The following NVL variants were observed in gnomAD, a reference collection of about 807,000 sequenced individuals.
The protein encoded by NVL is nuclear VCP like.
Under a neutral mutation model 110.2 loss-of-function variants are expected in NVL, and 84 were observed. The observed-to-expected ratio is 0.76, with a 90% CI of 0.64 to 0.91. The LOEUF is 0.91. Among genes scored for constraint, NVL ranks in the 40% least tolerant of loss-of-function variants. The probability of loss-of-function intolerance (pLI) is 0.00; values close to 1 mark genes in which losing one functional copy is unlikely to be tolerated. For missense variants in NVL, 882 were observed against 1,035.9 expected (o/e 0.85, Z 2.04); for synonymous variants, 354 against 361.1 (o/e 0.98, Z 0.22).
chr1:224,237,269 T>C (rs1660588815), intron 19 of NVL, among the ~76,000 whole-genome samples: 1 of 152,142 alleles, frequency 6.6e-6, no homozygotes. Flanking sequence ...GAAGAAATAA[T>C]ACTGAACCTG....
In NVL at chr1:224,271,535, T is replaced by C. The variant is rs1181629583; in HGVS notation, c.2083-3402A>G. Among the ~76,000 whole-genome samples the C allele has an allele frequency of 2.0e-5, 3 of 151,534 alleles. No homozygotes were observed. In the East Asian group the frequency reaches 5.8e-4, roughly 29 times the overall value. ...ACAAAACAGAAGCGTAAAATATAAATTTTTTTATGTTTCTGGAAAAAATTC... is the reference window on the plus strand; with the variant it reads ...ACAAAACAGAAGCGTAAAATATAAACTTTTTTATGTTTCTGGAAAAAATTC... On this transcript the variant is annotated intron_variant, in intron 17 of 22. Transcript: ENST00000281701.
chr1:224,268,404 T>A (rs1370938245), intron 17 of NVL, among the ~76,000 whole-genome samples: 1 of 152,188 alleles, frequency 6.6e-6, no homozygotes, highest in African/African-American at 2.4e-5. Context: ...GAAATGAGAC[T>A]CAATCTCAGG....
chr1:224,246,423 G>A (rs940622814), intron 19 of NVL, among the ~76,000 whole-genome samples: 1 of 152,208 alleles, frequency 6.6e-6, no homozygotes, highest in African/African-American at 2.4e-5. Context: ...GTATAAAGTT[G>A]TTCTGGTGTG....
At chr1:224,257,844 A>C (rs1663467572) in intron 18 of NVL, among the ~76,000 whole-genome samples, 1 of 152,148 alleles carries the variant, frequency 6.6e-6, no homozygotes, top group African/African-American at 2.4e-5. Context: ...TGGGCCCGAC[A>C]AGGGATATTG....
chr1:224,322,445 C>T (rs901496675), intron 2 of NVL, among the ~76,000 whole-genome samples: 8 of 152,006 alleles, frequency 5.3e-5, no homozygotes, highest in Admixed American at 5.3e-4. Flanking sequence ...GAGTGGTAGC[C>T]AAAGTGAGGT....
intron 15 of NVL, among the ~76,000 whole-genome samples, chr1:224,281,489 A>G (rs1257225848): frequency 1.3e-5 from 2 of 151,146 alleles, no homozygotes; most frequent in African/African-American, 4.9e-5. Context: ...TTTAGTGGAG[A>G]TGGGGTTTCA....
At chr1:224,260,040 A>G (rs1251632301) in intron 18 of NVL, among the ~76,000 whole-genome samples, 1 of 152,180 alleles carries the variant, frequency 6.6e-6, no homozygotes, top group Admixed American at 6.5e-5. Flanking sequence ...CTGGCTGGGC[A>G]TAACCTAATT....
chr1:224,244,670 C>T (rs1006219683), intron 19 of NVL, among the ~76,000 whole-genome samples: 2 of 144,044 alleles, frequency 1.4e-5, no homozygotes, highest in African/African-American at 5.2e-5. Context: ...TGGGGTTTCG[C>T]CATGTTGGTC....
chr1:224,328,657 C>T (rs778919259), intron 1 of NVL, among the ~76,000 whole-genome samples: 1 of 151,970 alleles, frequency 6.6e-6, no homozygotes, highest in Non-Finnish European at 1.5e-5. Flanking sequence ...GTAAAGCCAA[C>T]CAGGCTGTTG....
chr1:224,299,670 C>T (rs962009794), intron 10 of NVL, among the ~76,000 whole-genome samples: 41 of 152,190 alleles, frequency 2.7e-4, no homozygotes, highest in African/African-American at 8.9e-4. Context: ...TGGAATCCAC[C>T]GCGTTTTGGA....
At chr1:224,303,918 G>C in intron 8 of NVL, 61 bp from the exon 9 acceptor site, 1 of 1,521,592 alleles carries the variant, frequency 6.6e-7, no homozygotes. Flanking sequence ...AGAATGAAAT[G>C]TCCTATTTTT....
intron 12 of NVL, among the ~76,000 whole-genome samples, chr1:224,291,354 C>A (rs1358459372): frequency 3.9e-5 from 6 of 152,048 alleles, no homozygotes; most frequent in African/African-American, 1.2e-4. Context: ...TATAGGCATG[C>A]GCCAATGAAT....
At chr1:224,239,819 C>G (rs982281573) in intron 19 of NVL, among the ~76,000 whole-genome samples, 2 of 152,032 alleles carry the variant, frequency 1.3e-5, no homozygotes, top group Admixed American at 1.3e-4. Context: ...AGCCTCAGTC[C>G]CAAGAGGCTT....
intron 15 of NVL, among the ~76,000 whole-genome samples, chr1:224,285,599 C>T (rs920008124): frequency 6.6e-6 from 1 of 152,012 alleles, no homozygotes; most frequent in African/African-American, 2.4e-5. Flanking sequence ...ACACACAATG[C>T]TTTTCCTTTT....
chr1:224,283,212 G>C (rs929310547), intron 15 of NVL, among the ~76,000 whole-genome samples: 1 of 152,182 alleles, frequency 6.6e-6, no homozygotes, highest in Non-Finnish European at 1.5e-5. Flanking sequence ...CTAAGGCCGG[G>C]CACGGTGGCT....
intron 6 of NVL, chr1:224,305,386 GC>G (rs1412198385): frequency 2.1e-6 from 1 of 468,274 alleles, no homozygotes; most frequent in Non-Finnish European, 3.7e-6. Context: ...TTTGGTGCTG[GC>G]CTTGGCAGCA....
At position 224,303,727 on chromosome 1, in the gene NVL, G is replaced by C; in HGVS notation, c.956C>G (p.Ala319Gly). 1 of 1,611,528 alleles carries C rather than the reference G, an allele frequency of 6.2e-7. No individual in the cohort carries two copies. Among genetic ancestry groups the C allele is most frequent in the Non-Finnish European group, 8.5e-7 (1 of 1,178,754 alleles). The change falls in exon 9 of 23, where the codon GCT becomes GGT. Residue 319 changes from alanine to glycine, a missense_variant. Coordinates refer to ENST00000281701, the MANE Select transcript of NVL (RefSeq NM_002533.4). ...CGKTLLAHAI[A>G]GELDLPILKV... is the part of the protein sequence containing the mutation. ...ACAAATGTCAGCAAGCCTCACCCCAGCAATTGCATGTGCAAGTAATGTCTT... is the reference window on the plus strand; with the variant it reads ...ACAAATGTCAGCAAGCCTCACCCCACCAATTGCATGTGCAAGTAATGTCTT...
intron 2 of NVL, 59 bp from the exon 3 acceptor site, chr1:224,317,989 G>T: frequency 8.4e-7 from 1 of 1,185,798 alleles, no homozygotes; most frequent in Non-Finnish European, 1.2e-6. Context: ...TTTCCATTAA[G>T]TTCAATCTAA....
chr1:224,251,098 A>G (rs1423947698), intron 18 of NVL, among the ~76,000 whole-genome samples: 2 of 151,548 alleles, frequency 1.3e-5, no homozygotes, highest in African/African-American at 4.8e-5. Context: ...ATATGGTGAA[A>G]CCCCGTCTCT....
Sources: gnomAD v4.1 joint callset for allele counts (sites outside exome capture counted in the v4.1 genomes callset) on GRCh38, gnomAD v4.1.1 for gene constraint, MANE v1.5 for transcripts, NCBI Gene and HGNC (gene_info 2026-07-23, HGNC 2026-07-21) for gene names.